The following SUGP1 variants were observed in gnomAD, a reference collection of about 807,000 sequenced individuals.
SUGP1 encodes the protein SURP and G-patch domain-containing protein 1.
SUGP1 carries 34 observed loss-of-function variants against 76.5 expected under a neutral mutation model. The ratio of observed to expected loss-of-function variants is 0.44; its 90% CI spans 0.34 to 0.59. SUGP1 has a LOEUF of 0.59. Among genes scored for constraint, SUGP1 ranks in the 20% least tolerant of loss-of-function variants. SUGP1 has a pLI of 0.01. For synonymous variants in SUGP1, 326 were observed against 326.2 expected (o/e 1.00, Z 0.01); for missense variants, 752 against 851.7 (o/e 0.88, Z 1.46).
chr19:19,316,600 A>G lies in SUGP1; in HGVS notation c.35-7T>C, dbSNP rs757574558. ...AACCACCGGTTAGCCTTTCCTGGGGAGGGAAAAGGAGTACGTCGGAAATCA... is the reference window on the plus strand; with the variant it reads ...AACCACCGGTTAGCCTTTCCTGGGGGGGGAAAAGGAGTACGTCGGAAATCA... On this transcript the variant is annotated splice_region_variant and splice_polypyrimidine_tract_variant and intron_variant, in intron 1 of 13. Coordinates refer to ENST00000247001, the MANE Select transcript of SUGP1 (RefSeq NM_172231.4). 73 of 1,613,282 alleles carry G rather than the reference A, an allele frequency of 4.5e-5. No homozygotes were observed. The highest frequency in any genetic ancestry group is 5.9e-5 in the Non-Finnish European group (70 of 1,179,584).
chr19:19,298,717 G>T (rs1009263708), intron 7 of SUGP1, among the ~76,000 whole-genome samples: 3 of 152,196 alleles, frequency 2.0e-5, no homozygotes, highest in Non-Finnish European at 4.4e-5. Flanking sequence ...AACTGTTCAG[G>T]AGAGAAGGGA....
intron 8 of SUGP1, among the ~76,000 whole-genome samples, chr19:19,293,319 C>T (rs537211341): frequency 3.9e-5 from 6 of 152,186 alleles, no homozygotes; most frequent in Admixed American, 2.0e-4. Context: ...CCTGGTGGCT[C>T]ACGCCTGTAA....
At chr19:19,305,745 C>T (rs1393993019) in intron 4 of SUGP1, 104 bp downstream of exon 4, 11 of 1,224,118 alleles carry the variant, frequency 9.0e-6, no homozygotes, top group East Asian at 7.3e-5. Flanking sequence ...GCAACTCAGC[C>T]GAAAGCACCC....
chr19:19,302,372 G>A lies in SUGP1; in HGVS notation c.780C>T (p.Asp260=), dbSNP rs771649937. ...AASQKVSPPE[D]EEVKNLAEKL... ...TTTCTGCAAGGTTCTTGACCTCTTC[G>A]TCCTCTGGGGGTGAAACTTTAAGCA... Residue 260 remains aspartate, a synonymous_variant, in exon 7 of 14, where the codon GAC becomes GAT. Transcript: ENST00000247001. The A allele has an allele frequency of 2.8e-5, 45 of 1,613,974 alleles. No individual in the cohort carries two copies. The highest frequency in any genetic ancestry group is 1.6e-4 in the Middle Eastern group (1 of 6,082).
chr19:19,318,188 G>A (rs891639876), intron 1 of SUGP1, among the ~76,000 whole-genome samples: 2 of 143,790 alleles, frequency 1.4e-5, no homozygotes, highest in African/African-American at 5.3e-5. Flanking sequence ...CGCGATCTTG[G>A]CTCACTGCAA....
At chr19:19,279,068 C>T (rs983171300) in intron 10 of SUGP1, 145 bp downstream of exon 10, 9 of 954,640 alleles carry the variant, frequency 9.4e-6, no homozygotes, top group African/African-American at 1.7e-5. Context: ...CCTCTCACTC[C>T]AGGCCTCACA....
intron 3 of SUGP1, among the ~76,000 whole-genome samples, chr19:19,306,718 C>T (rs1294535188): frequency 3.9e-5 from 6 of 152,220 alleles, no homozygotes; most frequent in East Asian, 1.9e-4. Flanking sequence ...CACCTGTAGG[C>T]GACCAACCTA....
chr19:19,309,117 T>C (rs1464763936), intron 3 of SUGP1, among the ~76,000 whole-genome samples: 1 of 152,052 alleles, frequency 6.6e-6, no homozygotes, highest in African/African-American at 2.4e-5. Flanking sequence ...TCCGCCTGTC[T>C]CGGCCTCCCA....
chr19:19,290,134 G>A (rs543068342), intron 8 of SUGP1, among the ~76,000 whole-genome samples: 94 of 152,224 alleles, frequency 6.2e-4, no homozygotes, highest in Middle Eastern at 6.8e-3. Context: ...CACACAAGAA[G>A]AATGGAAGAG....
At chr19:19,303,479 G>A (rs368137482) in intron 5 of SUGP1, 31 bp from the exon 6 acceptor site, 4 of 1,582,428 alleles carry the variant, frequency 2.5e-6, no homozygotes, top group East Asian at 2.2e-5. Context: ...AGAAGAGAGG[G>A]GAAAATAAGT....
At chr19:19,318,816 C>T (rs1052383575) in intron 1 of SUGP1, among the ~76,000 whole-genome samples, 8 of 152,270 alleles carry the variant, frequency 5.3e-5, no homozygotes, top group African/African-American at 1.9e-4. Context: ...ACCAGGGAGG[C>T]TCACTGGCTC....
chr19:19,291,930 CACAA>C (rs1225524997), intron 8 of SUGP1, among the ~76,000 whole-genome samples: 4 of 142,822 alleles, frequency 2.8e-5, no homozygotes, highest in Non-Finnish European at 6.2e-5. Context: ...CACACACACA[CACAA>C]AAGGGCCAAG....
At chr19:19,319,706 C>CAAAAAAAAAAAAAAAAA (rs570232030) in intron 1 of SUGP1, among the ~76,000 whole-genome samples, 29 of 69,162 alleles carry the variant, frequency 4.2e-4, no homozygotes, top group East Asian at 1.0e-3. Context: ...GACCCTGTCT[C>CAAAAAAAAAAAAAAAAA]AAAAAAAAAA....
chr19:19,293,809 A>G (rs1021007235), intron 8 of SUGP1, among the ~76,000 whole-genome samples: 7 of 152,250 alleles, frequency 4.6e-5, no homozygotes, highest in African/African-American at 1.7e-4. Flanking sequence ...AAAAGAAATA[A>G]GAAGTATCCA....
chr19:19,317,039 G>A (rs558811748), intron 1 of SUGP1, among the ~76,000 whole-genome samples: 10 of 152,018 alleles, frequency 6.6e-5, no homozygotes, highest in South Asian at 2.1e-4. Flanking sequence ...TAGGGAGGCC[G>A]AGGCAGGAAA....
intron 8 of SUGP1, among the ~76,000 whole-genome samples, chr19:19,295,768 G>A (rs1341313724): frequency 6.6e-6 from 1 of 152,108 alleles, no homozygotes; most frequent in East Asian, 1.9e-4. Flanking sequence ...TACTCAGGAG[G>A]CTGAGGTAGG....
intron 4 of SUGP1, 74 bp from the exon 5 acceptor site, chr19:19,303,921 CACA>C: frequency 6.2e-7 from 1 of 1,606,962 alleles, no homozygotes; most frequent in Non-Finnish European, 8.5e-7. Context: ...CTCTATGGAC[CACA>C]ACGACAGAGG....
At chr19:19,288,333 T>A (rs866450191) in intron 8 of SUGP1, among the ~76,000 whole-genome samples, 1 of 152,226 alleles carries the variant, frequency 6.6e-6, no homozygotes, top group Non-Finnish European at 1.5e-5. Flanking sequence ...GCCTGGCTAA[T>A]TTTTCCTATG....
intron 4 of SUGP1, among the ~76,000 whole-genome samples, chr19:19,304,560 A>G (rs2061300789): frequency 6.6e-6 from 1 of 152,146 alleles, no homozygotes; most frequent in African/African-American, 2.4e-5. Context: ...CAGTGAACAG[A>G]GCTATAAAGA....
Sources: gnomAD v4.1 joint callset for allele counts (sites outside exome capture counted in the v4.1 genomes callset) on GRCh38, gnomAD v4.1.1 for gene constraint, MANE v1.5 for transcripts, NCBI Gene and HGNC (gene_info 2026-07-23, HGNC 2026-07-21) for gene names.